RBFOX1: variants seen among roughly 807,000 people sequenced by gnomAD.
RBFOX1 encodes RNA binding fox-1 homolog 1, also known as RNA binding protein fox-1 homolog 1.
In RBFOX1, 8 loss-of-function variants were observed where a neutral mutation model predicts 57.7. The ratio of observed to expected loss-of-function variants is 0.14; its 90% CI spans 0.08 to 0.25. RBFOX1 has a LOEUF of 0.25. Among genes scored for constraint, RBFOX1 ranks in the 10% least tolerant of loss-of-function variants. RBFOX1 has a pLI of 1.00. For missense variants in RBFOX1, 611 were observed against 548.5 expected (o/e 1.11, Z -1.14); for synonymous variants, 326 against 222.4 (o/e 1.47, Z -4.15).
chr16:7,518,772 C>G (rs2076931803), intron 5 of RBFOX1, among the ~76,000 whole-genome samples: 1 of 152,106 alleles, frequency 6.6e-6, no homozygotes, highest in Non-Finnish European at 1.5e-5. Flanking sequence ...CCTGTGATCC[C>G]AGCACTTTGG....
At chr16:6,785,874 C>G (rs767292274) in intron 3 of RBFOX1, among the ~76,000 whole-genome samples, 5 of 152,006 alleles carry the variant, frequency 3.3e-5, no homozygotes, top group Non-Finnish European at 7.4e-5. Flanking sequence ...AAAACTGATG[C>G]TGCTCCTCAG....
At chr16:7,246,182 A>G (rs576416553) in intron 4 of RBFOX1, among the ~76,000 whole-genome samples, 60 of 152,202 alleles carry the variant, frequency 3.9e-4, no homozygotes, top group Non-Finnish European at 7.1e-4. Context: ...ACTAATTTAG[A>G]ATTAGGGAAG....
chr16:7,429,740 A>G (rs2098660267), intron 4 of RBFOX1, among the ~76,000 whole-genome samples: 1 of 152,206 alleles, frequency 6.6e-6, no homozygotes, highest in Non-Finnish European at 1.5e-5. Context: ...GGAAAAGTGC[A>G]TGGGTAGAGT....
At chr16:7,341,621 A>G (rs1373116685) in intron 4 of RBFOX1, among the ~76,000 whole-genome samples, 1 of 152,168 alleles carries the variant, frequency 6.6e-6, no homozygotes, top group Non-Finnish European at 1.5e-5. Context: ...CACAGTCCAA[A>G]GAAGATGGCT....
At chr16:5,428,908 C>T (rs1188935109) in intron 1 of RBFOX1, among the ~76,000 whole-genome samples, 2 of 152,088 alleles carry the variant, frequency 1.3e-5, no homozygotes, top group African/African-American at 4.8e-5. Context: ...AATATTTACT[C>T]AGTAAGGTAT....
At chr16:6,837,569 C>G (rs929190852) in intron 3 of RBFOX1, among the ~76,000 whole-genome samples, 1 of 152,190 alleles carries the variant, frequency 6.6e-6, no homozygotes, top group South Asian at 2.1e-4. Context: ...GTACTGGGCT[C>G]AGACTGGTTT....
chr16:7,388,710 T>C (rs1355909761), intron 4 of RBFOX1, among the ~76,000 whole-genome samples: 1 of 148,934 alleles, frequency 6.7e-6, no homozygotes, highest in Non-Finnish European at 1.5e-5. Context: ...TTTTTCACAT[T>C]TGGTATGGTA....
intron 4 of RBFOX1, among the ~76,000 whole-genome samples, chr16:5,954,629 A>C (rs1476748936): frequency 6.6e-6 from 1 of 152,126 alleles, no homozygotes; most frequent in East Asian, 1.9e-4. Flanking sequence ...CAGCTCTGGA[A>C]ACTGTAATGA....
chr16:5,793,945 A>G (rs1022551567), intron 3 of RBFOX1, among the ~76,000 whole-genome samples: 2 of 152,156 alleles, frequency 1.3e-5, no homozygotes, highest in Non-Finnish European at 2.9e-5. Context: ...TCTGTGCTTC[A>G]TTTTTTGGGA....
At chr16:6,407,329 C>G (rs1179180853) in intron 2 of RBFOX1, among the ~76,000 whole-genome samples, 21 of 151,924 alleles carry the variant, frequency 1.4e-4, no homozygotes, top group Admixed American at 1.4e-3. Flanking sequence ...TATATGTAAT[C>G]CATTTCTATC....
At chr16:7,234,394 G>A (rs935721575) in intron 4 of RBFOX1, among the ~76,000 whole-genome samples, 7 of 152,088 alleles carry the variant, frequency 4.6e-5, no homozygotes, top group African/African-American at 1.7e-4. Flanking sequence ...AAACCACAAA[G>A]TGGGAAAAGC....
chr16:7,462,825 T>G (rs1041427170), intron 4 of RBFOX1, among the ~76,000 whole-genome samples: 2 of 152,198 alleles, frequency 1.3e-5, no homozygotes, highest in African/African-American at 4.8e-5. Context: ...AGTCTCTTTT[T>G]GCTTTGAATC....
chr16:7,445,212 C>G (rs2098799049), intron 4 of RBFOX1, among the ~76,000 whole-genome samples: 1 of 152,042 alleles, frequency 6.6e-6, no homozygotes, highest in Non-Finnish European at 1.5e-5. Context: ...GGTAATATTA[C>G]TGCTAGTATG....
intron 3 of RBFOX1, among the ~76,000 whole-genome samples, chr16:5,740,966 G>C (rs1005735023): frequency 2.0e-5 from 3 of 152,072 alleles, no homozygotes; most frequent in African/African-American, 4.8e-5. Flanking sequence ...GGATCATGAG[G>C]GATGGTCCTT....
At chr16:6,886,866 A>C (rs1002431115) in intron 3 of RBFOX1, among the ~76,000 whole-genome samples, 2 of 150,254 alleles carry the variant, frequency 1.3e-5, no homozygotes, top group African/African-American at 2.5e-5. Context: ...AAAATAAAAG[A>C]GATGCTTCCG....
At chr16:7,684,391 G>C (rs530574190) in intron 14 of RBFOX1, among the ~76,000 whole-genome samples, 2 of 152,030 alleles carry the variant, frequency 1.3e-5, no homozygotes, top group East Asian at 3.9e-4. Flanking sequence ...AATAGAAGGA[G>C]TAACTAGTCA....
chr16:7,579,650 G>A (rs2093602298), intron 5 of RBFOX1, 127 bp from the exon 6 acceptor site: 2 of 1,177,832 alleles, frequency 1.7e-6, no homozygotes, highest in South Asian at 2.9e-5. Context: ...GCATGCGTCA[G>A]CATTTTCTTC....
intron 4 of RBFOX1, among the ~76,000 whole-genome samples, chr16:7,324,445 C>G (rs1200053084): frequency 6.6e-6 from 1 of 152,080 alleles, no homozygotes; most frequent in Non-Finnish European, 1.5e-5. Flanking sequence ...GCATCCTCCC[C>G]CCTTCTGAGA....
At position 6,666,333 on chromosome 16, in the gene RBFOX1, A is replaced by C. The variant is rs140900779; in HGVS notation, c.-16+11683A>C. Among the ~76,000 whole-genome samples, 273 of 152,206 alleles carry C rather than the reference A, an allele frequency of 1.8e-3. 2 individuals are homozygous for C. The highest frequency in any genetic ancestry group is 6.4e-3 in the African/African-American group (264 of 41,546). ...CGGATCACCTGAGGTCAGGAGTTTG[A>C]AACCAGCCTGGCCAACATGATGAAA... On this transcript the variant is annotated intron_variant, in intron 3 of 15. Transcript: ENST00000550418.
Sources: allele counts gnomAD v4.1 joint callset (sites outside exome capture counted in the v4.1 genomes callset), GRCh38; gene constraint gnomAD v4.1.1; transcripts MANE v1.5; gene names NCBI Gene and HGNC (gene_info 2026-07-23, HGNC 2026-07-21).